CCDC91: variants seen among roughly 807,000 people sequenced by gnomAD.
The protein encoded by CCDC91 is coiled-coil domain-containing protein 91.
Under a neutral mutation model 63.2 loss-of-function variants are expected in CCDC91, and 48 were observed. The observed-to-expected ratio is 0.76, with a 90% CI of 0.60 to 0.97. The LOEUF is 0.97. CCDC91 is among the 50% of genes least tolerant of loss of function. The pLI is 0.00. For synonymous variants in CCDC91, 167 were observed against 165.8 expected, an observed-to-expected ratio of 1.01 and a Z score of -0.06; for missense variants, 500 against 494.6, an observed-to-expected ratio of 1.01 and a Z score of -0.10.
intron 3 of CCDC91, among the ~76,000 whole-genome samples, chr12:28,278,879 A>G (rs1485102257): frequency 6.6e-6 from 1 of 152,090 alleles, no homozygotes; most frequent in African/African-American, 2.4e-5. Flanking sequence ...TGGTAATAAT[A>G]TATACTTTAA....
At chr12:28,472,520 T>C (rs1374121363) in intron 11 of CCDC91, among the ~76,000 whole-genome samples, 2 of 152,180 alleles carry the variant, frequency 1.3e-5, no homozygotes, top group Non-Finnish European at 2.9e-5. Context: ...AGAATTCTCT[T>C]TGGGGTAATA....
At chr12:28,417,382 T>G (rs1355500273) in intron 8 of CCDC91, among the ~76,000 whole-genome samples, 2 of 152,104 alleles carry the variant, frequency 1.3e-5, no homozygotes, top group African/African-American at 4.8e-5. Context: ...CCCCAAAAGA[T>G]TTCCTCGTGC....
At chr12:28,216,683 A>G (rs1406551852) in intron 1 of CCDC91, among the ~76,000 whole-genome samples, 1 of 151,988 alleles carries the variant, frequency 6.6e-6, no homozygotes, top group Non-Finnish European at 1.5e-5. Context: ...GTAACAGGCA[A>G]TCGTTGAGAG....
chr12:28,268,059 ATAAT>A lies in CCDC91; in HGVS notation c.109+8622_109+8625del, dbSNP rs536622353. On this transcript the variant is annotated intron_variant, in intron 3 of 12. Transcript: ENST00000536442. ...ATTAATTAAAAATTAAAAATTAAAA[ATAAT>A]TAATAATAATAACTTTTTGAGACAG... 1.7e-3 allele frequency among the ~76,000 whole-genome samples: 236 copies of A among 141,710 alleles called. 1 individual carries two copies. The highest frequency in any genetic ancestry group is 5.3e-3 in the African/African-American group (200 of 37,576). The allele number at this position is 141,710 out of a possible 152,430, so 93.0% of individuals were successfully genotyped here. A position where few individuals can be genotyped will look rare whatever the true frequency, so the allele number is the denominator to read the frequency against.
At chr12:28,405,034 C>T (rs1028761144) in intron 8 of CCDC91, among the ~76,000 whole-genome samples, 5 of 151,864 alleles carry the variant, frequency 3.3e-5, no homozygotes, top group African/African-American at 1.2e-4. Flanking sequence ...GATTCATTTC[C>T]ACCATATTTG....
At position 28,478,071 on chromosome 12, in the gene CCDC91, A is replaced by G. The variant is rs375282452; in HGVS notation, c.1102-5981A>G. ...TTATAGATTCAATGCCATCTCCATC[A>G]AGCTATCAATGACTTTCTTCACAGA... is the stretch of plus-strand genomic sequence containing the variant. On this transcript the variant is annotated intron_variant, in intron 11 of 12. Coordinates refer to ENST00000536442, the MANE Select transcript of CCDC91 (RefSeq NM_018318.5). Among the ~76,000 whole-genome samples, 51 of 152,332 alleles carry G rather than the reference A, an allele frequency of 3.3e-4. 1 individual carries two copies. In the East Asian group the frequency reaches 9.1e-3, roughly 27 times the overall value.
chr12:28,437,979 A>G (rs1419552352), intron 8 of CCDC91, among the ~76,000 whole-genome samples: 1 of 152,142 alleles, frequency 6.6e-6, no homozygotes, highest in Non-Finnish European at 1.5e-5. Context: ...ACATGCATGA[A>G]AAATTGAGGA....
intron 12 of CCDC91, among the ~76,000 whole-genome samples, chr12:28,489,707 C>A (rs1338094986): frequency 1.3e-5 from 2 of 151,772 alleles, no homozygotes; most frequent in Non-Finnish European, 2.9e-5. Flanking sequence ...ATTTTCTTTA[C>A]TTCAAAGGTT....
Position 28,452,728 on chromosome 12 carries a change from C to A in CCDC91, c.1101+74C>A, listed in dbSNP as rs1461281959. Reference sequence around the variant, plus strand: ...TCAAAATGAAGTACCCTTACTCTATCTTTTATCTTACTTAAAACAACCTTA... The same window carrying A: ...TCAAAATGAAGTACCCTTACTCTATATTTTATCTTACTTAAAACAACCTTA... On this transcript the variant is annotated intron_variant, in intron 11 of 12. Transcript: ENST00000536442. The A allele has an allele frequency of 4.5e-6, 3 of 673,976 alleles. No homozygotes were observed. In the African/African-American group the frequency reaches 5.7e-5, roughly 13 times the overall value. The allele number at this position is 673,976 out of a possible 1,614,324, so 41.7% of individuals were successfully genotyped here.
intron 3 of CCDC91, among the ~76,000 whole-genome samples, chr12:28,277,694 A>G (rs1369856282): frequency 2.0e-5 from 3 of 151,964 alleles, no homozygotes; most frequent in South Asian, 2.1e-4. Flanking sequence ...CACTTTGATC[A>G]AGTAGGTCAG....
chr12:28,215,361 C>T (rs183615546), intron 1 of CCDC91, among the ~76,000 whole-genome samples: 3 of 152,266 alleles, frequency 2.0e-5, no homozygotes, highest in Admixed American at 6.5e-5. Flanking sequence ...TATTTATATA[C>T]ACACATATAC....
chr12:28,358,183 A>C (rs1042614820), intron 6 of CCDC91, among the ~76,000 whole-genome samples: 7 of 152,338 alleles, frequency 4.6e-5, no homozygotes, highest in African/African-American at 1.4e-4. Context: ...AAATGTACCC[A>C]AAAAATTTTT....
In CCDC91 at chr12:28,529,526, T is replaced by C. The variant is rs562965213; in HGVS notation, c.1216-19537T>C. Among the ~76,000 whole-genome samples, 91 of 152,290 alleles carry C rather than the reference T, an allele frequency of 6.0e-4. 3 individuals are homozygous for C. The South Asian group carries it at 0.018, about 31-fold the overall frequency. ...GGCATTAGGAGCATGTTCACACTGC[T>C]CAACCCACAGGATTAAGAATGAGAT... On this transcript the variant is annotated intron_variant, in intron 12 of 12. Transcript: ENST00000536442.
At chr12:28,498,869 T>C (rs1565479703) in intron 12 of CCDC91, among the ~76,000 whole-genome samples, 2 of 151,626 alleles carry the variant, frequency 1.3e-5, no homozygotes, top group African/African-American at 4.8e-5. Flanking sequence ...AATTATCTTT[T>C]CCCCCTACTA....
chr12:28,215,609 C>G (rs1943512835), intron 1 of CCDC91, among the ~76,000 whole-genome samples: 1 of 151,722 alleles, frequency 6.6e-6, no homozygotes, highest in Non-Finnish European at 1.5e-5. Context: ...TGTGGTATCC[C>G]AAAGGCAACT....
At chr12:28,499,943 T>G (rs1455086392) in intron 12 of CCDC91, among the ~76,000 whole-genome samples, 1 of 152,196 alleles carries the variant, frequency 6.6e-6, no homozygotes, top group Non-Finnish European at 1.5e-5. Context: ...ATGGTTGAAC[T>G]AATTTATACT....
chr12:28,315,074 G>T (rs1402415635), intron 6 of CCDC91, among the ~76,000 whole-genome samples: 1 of 151,672 alleles, frequency 6.6e-6, no homozygotes, highest in African/African-American at 2.4e-5. Context: ...GTGTAGAAAA[G>T]TTTATTCAAA....
At chr12:28,477,018 A>T (rs1186803692) in intron 11 of CCDC91, among the ~76,000 whole-genome samples, 2 of 152,200 alleles carry the variant, frequency 1.3e-5, no homozygotes, top group East Asian at 1.9e-4. Context: ...GACCAGACAG[A>T]TTCACAGTCG....
intron 7 of CCDC91, among the ~76,000 whole-genome samples, chr12:28,383,114 T>C (rs985925158): frequency 2.0e-5 from 3 of 152,164 alleles, no homozygotes; most frequent in South Asian, 2.1e-4. Flanking sequence ...ACAACTCTTA[T>C]GTTACTAGAT....
Sources: allele counts gnomAD v4.1 joint callset (sites outside exome capture counted in the v4.1 genomes callset), GRCh38; gene constraint gnomAD v4.1.1; transcripts MANE v1.5; gene names NCBI Gene and HGNC (gene_info 2026-07-23, HGNC 2026-07-21).